The following CR1 variants were observed in gnomAD, a reference collection of about 807,000 sequenced individuals.
CR1 encodes the protein complement receptor type 1.
CR1 carries 116 observed loss-of-function variants against 187.3 expected under a neutral mutation model. The ratio of observed to expected loss-of-function variants is 0.62; its 90% CI spans 0.53 to 0.72. The LOEUF is 0.72. Among genes scored for constraint, CR1 ranks in the 30% least tolerant of loss-of-function variants. CR1 has a pLI of 0.00. For missense variants in CR1, 1,731 were observed against 2,110.7 expected (o/e 0.82, Z 3.52); for synonymous variants, 576 against 747.1 (o/e 0.77, Z 3.73).
At chr1:207,617,612 TAGAG>T (rs1156448710) in intron 41 of CR1, among the ~76,000 whole-genome samples, 336 of 21,788 alleles carry the variant, frequency 0.015, 1 homozygote, top group Middle Eastern at 0.022. Flanking sequence ...TATATATATA[TAGAG>T]AGAGAGAGAG....
At chr1:207,622,265 A>C (rs941062583) in intron 44 of CR1, among the ~76,000 whole-genome samples, 2 of 152,222 alleles carry the variant, frequency 1.3e-5, no homozygotes, top group African/African-American at 4.8e-5. Context: ...ATCATTCATC[A>C]GTGTCAAAAA....
chr1:207,633,360 G>A (rs1440261931), intron 46 of CR1, among the ~76,000 whole-genome samples: 1 of 152,204 alleles, frequency 6.6e-6, no homozygotes, highest in East Asian at 1.9e-4. Context: ...CTATCTAGTA[G>A]TATTCTTAAG....
chr1:207,523,867 GGTATCTGACAACA>G lies in CR1; in HGVS notation c.746_758del (p.Val249GlufsTer6). 1 of 1,610,336 alleles carries G rather than the reference GGTATCTGACAACA, an allele frequency of 6.2e-7. No homozygotes were observed. The highest frequency in any genetic ancestry group is 8.5e-7 in the Non-Finnish European group (1 of 1,178,610). On this transcript the variant is annotated frameshift_variant, in exon 5 of 47. Transcript: ENST00000367049. LOFTEE classifies it high-confidence loss of function. Reference sequence around the variant, plus strand: ...CTCCAAATGTGGAAAATGGAATATTGGTATCTGACAACAGAAGCTTATTTTCCTTAAATGAAGT... The same window carrying G: ...CTCCAAATGTGGAAAATGGAATATTGGAAGCTTATTTTCCTTAAATGAAGT...
chr1:207,575,263 CA>C (rs1660706518), intron 27 of CR1, among the ~76,000 whole-genome samples: 2 of 150,050 alleles, frequency 1.3e-5, no homozygotes, highest in Admixed American at 1.3e-4. Flanking sequence ...CAAAAAAAGG[CA>C]AAAATAATAT....
rs1366819635 is a variant in CR1 at position 207,497,174 on chromosome 1, AG to A, written c.121+788del. 2.6e-5 allele frequency among the ~76,000 whole-genome samples: 4 copies of A among 152,352 alleles called. No homozygotes were observed. The East Asian group carries it at 5.8e-4, about 22-fold the overall frequency. The stretch of plus-strand genomic sequence containing the variant: ...CCAGAACATGCAATGTAACCGTTGC[AG>A]GTAGAAGGGACAGTAGATATGTTTA... On this transcript the variant is annotated intron_variant, in intron 1 of 46. Transcript: ENST00000367049.
intron 35 of CR1, among the ~76,000 whole-genome samples, chr1:207,590,587 C>A (rs1471147527): frequency 1.3e-5 from 2 of 152,158 alleles, no homozygotes; most frequent in African/African-American, 4.8e-5. Context: ...ATCATAATGA[C>A]AGGATCAAAT....
intron 1 of CR1, among the ~76,000 whole-genome samples, chr1:207,499,884 A>T (rs1313726672): frequency 6.6e-6 from 1 of 152,226 alleles, no homozygotes; most frequent in Non-Finnish European, 1.5e-5. Flanking sequence ...AGGTAACATC[A>T]AAAGTGTCCT....
chr1:207,596,618 A>AAAT (rs1047357241), intron 35 of CR1, among the ~76,000 whole-genome samples: 21 of 150,810 alleles, frequency 1.4e-4, no homozygotes, highest in African/African-American at 3.2e-4. Context: ...CTGTCTCAAA[A>AAAT]AATAATAATA....
intron 35 of CR1, among the ~76,000 whole-genome samples, chr1:207,591,869 C>T (rs2102359549): frequency 6.6e-6 from 1 of 152,276 alleles, no homozygotes; most frequent in South Asian, 2.1e-4. Flanking sequence ...TTCCTGGATA[C>T]ATACAACCTC....
intron 40 of CR1, 111 bp from the exon 41 acceptor site, chr1:207,616,464 T>C: frequency 7.7e-7 from 1 of 1,293,836 alleles, no homozygotes; most frequent in South Asian, 1.5e-5. Flanking sequence ...ACCTTAGTTA[T>C]ATTCTTTCTA....
chr1:207,577,208 G>T (rs565179017), intron 28 of CR1, among the ~76,000 whole-genome samples: 1 of 151,324 alleles, frequency 6.6e-6, no homozygotes. Flanking sequence ...CTGAGATCAC[G>T]CCACTGCACT....
chr1:207,506,950 G>A (rs917839222), intron 3 of CR1, 137 bp downstream of exon 3: 3 of 668,436 alleles, frequency 4.5e-6, no homozygotes, highest in South Asian at 2.2e-5. Flanking sequence ...CAGATGTTTA[G>A]CTCCTGACTG....
chr1:207,638,269 C>T (rs974408792), intron 46 of CR1, among the ~76,000 whole-genome samples: 1 of 152,176 alleles, frequency 6.6e-6, no homozygotes, highest in African/African-American at 2.4e-5. Context: ...GGTCCATTGT[C>T]AGTTTTGATC....
intron 4 of CR1, among the ~76,000 whole-genome samples, chr1:207,515,026 C>T (rs3958442): frequency 7.1e-6 from 1 of 141,724 alleles, no homozygotes; most frequent in Admixed American, 7.1e-5. Context: ...CACACACACA[C>T]ATATATACAT....
At chr1:207,617,600 TATATATATATATAGAGAGAGAGAGAG>T (rs1486590027) in intron 41 of CR1, among the ~76,000 whole-genome samples, 305 of 32,946 alleles carry the variant, frequency 9.3e-3, no homozygotes, top group African/African-American at 0.017. Context: ...TATATATATA[TATATATATATATAGAGAGAGAGAGAG>T]AGAGAGAGAG....
In CR1 at chr1:207,640,850, A is replaced by T. The variant is rs1418865366; in HGVS notation, c.*1441A>T. 3.3e-5 allele frequency: 5 copies of T among 152,236 alleles called. No individual in the cohort carries two copies. The highest frequency in any genetic ancestry group is 7.2e-5 in the African/African-American group (3 of 41,462). The allele number at this position is 152,236 out of a possible 1,614,324, so 9.4% of individuals were successfully genotyped here. On this transcript the variant is annotated 3_prime_UTR_variant, in exon 47 of 47. Coordinates refer to ENST00000367049, the MANE Select transcript of CR1 (RefSeq NM_000651.6). ...TGAATTTTGCCACATTTACTTTGAC[A>T]GCAGTATAAGGAGTGAGATAGACAT... is the stretch of plus-strand genomic sequence containing the variant.
intron 40 of CR1, among the ~76,000 whole-genome samples, chr1:207,615,631 T>G (rs1662070205): frequency 6.6e-6 from 1 of 152,252 alleles, no homozygotes; most frequent in Non-Finnish European, 1.5e-5. Flanking sequence ...GTTTTCCTGA[T>G]TATTAGAAAA....
At chr1:207,567,621 G>T (rs1049939436) in intron 24 of CR1, among the ~76,000 whole-genome samples, 3 of 150,194 alleles carry the variant, frequency 2.0e-5, no homozygotes, top group Non-Finnish European at 2.9e-5. Flanking sequence ...TTACTATCCG[G>T]AAGATTCAGG....
chr1:207,585,688 C>T (rs1661092430), intron 33 of CR1, among the ~76,000 whole-genome samples: 1 of 152,184 alleles, frequency 6.6e-6, no homozygotes, highest in African/African-American at 2.4e-5. Flanking sequence ...AGGCATTTAA[C>T]CTTTCTTTGA....
Sources: gnomAD v4.1 joint callset for allele counts (sites outside exome capture counted in the v4.1 genomes callset) on GRCh38, gnomAD v4.1.1 for gene constraint, MANE v1.5 for transcripts, NCBI Gene and HGNC (gene_info 2026-07-23, HGNC 2026-07-21) for gene names.